The following TSPAN2 variants were observed in gnomAD, a reference collection of about 807,000 sequenced individuals.
TSPAN2 encodes the protein tetraspanin 2, also known as tetraspanin-2.
In TSPAN2, 24 loss-of-function variants were observed where a neutral mutation model predicts 33.3. That is an observed-to-expected ratio of 0.72 (90% confidence interval 0.52 to 1.01). The LOEUF (loss-of-function observed/expected upper bound fraction) is 1.01. Ranked by LOEUF, TSPAN2 falls within the 50% of genes least tolerant of loss-of-function variation. The pLI is 0.00. For synonymous variants in TSPAN2, 114 were observed against 104.5 expected (o/e 1.09, Z -0.56); for missense variants, 278 against 281.3 (o/e 0.99, Z 0.08).
intron 5 of TSPAN2, 119 bp downstream of exon 5, chr1:115,058,764 G>T: frequency 2.3e-6 from 2 of 860,622 alleles, no homozygotes; most frequent in Non-Finnish European, 2.0e-6. Context: ...GCTAAAATAG[G>T]TGGTGCTACT....
In TSPAN2 at chr1:115,049,808, C is replaced by A. The variant is rs1675260506; in HGVS notation, c.*682G>T. ...ATAGGGCACATGATTGTCTGTGTGA[C>A]TTCTCTTTCCAGAGGAAGACTTTTT... On this transcript the variant is annotated 3_prime_UTR_variant, in exon 8 of 8. Coordinates refer to ENST00000369516, the MANE Select transcript of TSPAN2 (RefSeq NM_005725.6). The A allele has an allele frequency of 6.6e-6, 1 of 152,584 alleles. No homozygotes were observed. The highest frequency in any genetic ancestry group is 6.5e-5 in the Admixed American group (1 of 15,284). The allele number at this position is 152,584 out of a possible 1,614,324, so 9.5% of individuals were successfully genotyped here.
At chr1:115,068,555 T>G (rs1648039353) in intron 2 of TSPAN2, among the ~76,000 whole-genome samples, 2 of 152,228 alleles carry the variant, frequency 1.3e-5, no homozygotes, top group Non-Finnish European at 1.5e-5. Flanking sequence ...CTGATTTATC[T>G]GGAACCTATT....
intron 1 of TSPAN2, among the ~76,000 whole-genome samples, chr1:115,081,013 T>C (rs1648605113): frequency 6.6e-6 from 1 of 152,250 alleles, no homozygotes; most frequent in South Asian, 2.1e-4. Context: ...CAATAAATAA[T>C]GATCTTCATC....
intron 6 of TSPAN2, among the ~76,000 whole-genome samples, chr1:115,055,896 G>A (rs1451682591): frequency 1.3e-5 from 2 of 152,168 alleles, no homozygotes; most frequent in Admixed American, 6.5e-5. Flanking sequence ...TTAAGGGTCT[G>A]TCCAGTGTTT....
rs1213910464 is a variant in TSPAN2 at position 115,048,371 on chromosome 1, A to G, written c.*2119T>C. 1 of 150,908 alleles carries G rather than the reference A, an allele frequency of 6.6e-6. No homozygotes were observed. Among genetic ancestry groups the G allele is most frequent in the Non-Finnish European group, 1.5e-5 (1 of 67,616 alleles). The allele number at this position is 150,908 out of a possible 1,614,324, so 9.3% of individuals were successfully genotyped here. A position where few individuals can be genotyped will look rare whatever the true frequency, so the allele number is the denominator to read the frequency against. ...TATATATATCCACACACACATATAA[A>G]ATCTATTGTTGCTTAGTGGTGGAAT... On this transcript the variant is annotated 3_prime_UTR_variant, in exon 8 of 8. Transcript: ENST00000369516.
chr1:115,072,763 G>T, intron 2 of TSPAN2, 142 bp downstream of exon 2: 1 of 691,728 alleles, frequency 1.4e-6, no homozygotes, highest in Non-Finnish European at 2.5e-6. Context: ...GTGCACAGGG[G>T]CTCAGAGGTG....
intron 1 of TSPAN2, among the ~76,000 whole-genome samples, chr1:115,073,948 C>T (rs1648294056): frequency 6.6e-6 from 1 of 152,284 alleles, no homozygotes; most frequent in Non-Finnish European, 1.5e-5. Context: ...CCACAAACAC[C>T]ACTCTCGAAT....
chr1:115,063,416 A>C (rs2101030829), intron 2 of TSPAN2, among the ~76,000 whole-genome samples: 1 of 152,358 alleles, frequency 6.6e-6, no homozygotes, highest in Non-Finnish European at 1.5e-5. Flanking sequence ...AAAAGTCAAA[A>C]ATAACAGATG....
At chr1:115,087,571 G>A (rs567885065) in intron 1 of TSPAN2, among the ~76,000 whole-genome samples, 1 of 149,372 alleles carries the variant, frequency 6.7e-6, no homozygotes, top group Admixed American at 6.6e-5. Flanking sequence ...AGTGGAGATC[G>A]GGCCACTGCA....
chr1:115,084,477 C>G (rs6688453), intron 1 of TSPAN2, among the ~76,000 whole-genome samples: 91,563 of 151,908 alleles, frequency 0.6, 28,628 homozygotes, highest in Non-Finnish European at 0.7. Flanking sequence ...GGAACCCTGG[C>G]ACCATAGCTG....
intron 2 of TSPAN2, among the ~76,000 whole-genome samples, chr1:115,063,739 A>G (rs1421089980): frequency 6.6e-6 from 1 of 152,192 alleles, no homozygotes; most frequent in East Asian, 1.9e-4. Context: ...AAAAGAACAA[A>G]ATCATGCCCT....
At chr1:115,063,972 C>G (rs1005146288) in intron 2 of TSPAN2, among the ~76,000 whole-genome samples, 3 of 152,102 alleles carry the variant, frequency 2.0e-5, no homozygotes, top group African/African-American at 7.2e-5. Flanking sequence ...CAGGTTCAGT[C>G]ATACCCCCAA....
At position 115,055,197 on chromosome 1, in the gene TSPAN2, C is replaced by T. The variant is rs532908799; in HGVS notation, c.517-1735G>A. On this transcript the variant is annotated intron_variant, in intron 6 of 7. Coordinates refer to ENST00000369516, the MANE Select transcript of TSPAN2 (RefSeq NM_005725.6). ...ACAAAACAACACTCGAGACTGTCCTCCTCTAGTTCTGCCATTAGGCCCTCC... is the reference window on the plus strand; with the variant it reads ...ACAAAACAACACTCGAGACTGTCCTTCTCTAGTTCTGCCATTAGGCCCTCC... Among the ~76,000 whole-genome samples, 16 of 152,272 alleles carry T rather than the reference C, an allele frequency of 1.1e-4. 1 individual carries two copies. The South Asian group carries it at 3.3e-3, about 32-fold the overall frequency.
chr1:115,077,430 C>A (rs1004250745), intron 1 of TSPAN2, among the ~76,000 whole-genome samples: 1 of 151,956 alleles, frequency 6.6e-6, no homozygotes, highest in South Asian at 2.1e-4. Flanking sequence ...GGTTATAGTA[C>A]GTATTGTCTT....
chr1:115,057,708 G>T (rs1248273527), intron 5 of TSPAN2, 100 bp from the exon 6 acceptor site: 2 of 1,053,424 alleles, frequency 1.9e-6, no homozygotes, highest in Non-Finnish European at 1.5e-6. Flanking sequence ...CGGCAAAGCA[G>T]CTCCGAGGCC....
At position 115,049,883 on chromosome 1, in the gene TSPAN2, G is replaced by A. The variant is rs532189101; in HGVS notation, c.*607C>T. ...GACTTATTCAAATTGGATTTTCCAT[G>A]CTATATTTAGTTTTACAGATGTGTT... On this transcript the variant is annotated 3_prime_UTR_variant, in exon 8 of 8. Coordinates refer to ENST00000369516, the MANE Select transcript of TSPAN2 (RefSeq NM_005725.6). 1 of 152,518 alleles carries A rather than the reference G, an allele frequency of 6.6e-6. No homozygotes were observed. Among genetic ancestry groups the A allele is most frequent in the Non-Finnish European group, 1.5e-5 (1 of 68,012 alleles). 9.4% of individuals were successfully genotyped at this position (152,518 alleles called of 1,614,324 possible). A position where few individuals can be genotyped will look rare whatever the true frequency, so the allele number is the denominator to read the frequency against.
chr1:115,083,695 GT>G (rs1282038880), intron 1 of TSPAN2, among the ~76,000 whole-genome samples: 1 of 152,188 alleles, frequency 6.6e-6, no homozygotes, highest in East Asian at 1.9e-4. Flanking sequence ...ATCACCAAAG[GT>G]TTTCCCATTG....
chr1:115,085,054 T>C (rs1411635980), intron 1 of TSPAN2, among the ~76,000 whole-genome samples: 1 of 152,212 alleles, frequency 6.6e-6, no homozygotes, highest in African/African-American at 2.4e-5. Flanking sequence ...CGCCCAGGTT[T>C]TCCTTTAAGC....
chr1:115,073,194 G>T (rs1302155360), intron 1 of TSPAN2, among the ~76,000 whole-genome samples, 187 bp from the exon 2 acceptor site: 1 of 152,182 alleles, frequency 6.6e-6, no homozygotes, highest in Non-Finnish European at 1.5e-5. Context: ...AGCCCCTCAG[G>T]CCCCTGATGT....
Sources: allele counts gnomAD v4.1 joint callset (sites outside exome capture counted in the v4.1 genomes callset), GRCh38; gene constraint gnomAD v4.1.1; transcripts MANE v1.5; gene names NCBI Gene and HGNC (gene_info 2026-07-23, HGNC 2026-07-21).